NRIP1: variants seen among roughly 807,000 people sequenced by gnomAD.
NRIP1 encodes nuclear receptor-interacting protein 1.
NRIP1 carries 28 observed loss-of-function variants against 75.0 expected under a neutral mutation model. The observed-to-expected ratio is 0.37, with a 90% CI of 0.28 to 0.51. The LOEUF (loss-of-function observed/expected upper bound fraction) is 0.51, where lower values mean the gene tolerates loss of function less well. NRIP1 is among the 20% of genes least tolerant of loss of function. NRIP1 has a pLI of 0.92. For synonymous variants in NRIP1, 526 were observed against 487.6 expected (o/e 1.08, Z -1.04); for missense variants, 1,435 against 1,343.7 (o/e 1.07, Z -1.06).
At chr21:15,010,386 GAA>G (rs879475536) in intron 3 of NRIP1, among the ~76,000 whole-genome samples, 1 of 137,112 alleles carries the variant, frequency 7.3e-6, no homozygotes. Flanking sequence ...CATGGAAAAG[GAA>G]AAAAAAAAAA....
chr21:14,969,914 A>G (rs2086858229), intron 3 of NRIP1, among the ~76,000 whole-genome samples: 1 of 152,230 alleles, frequency 6.6e-6, no homozygotes, highest in African/African-American at 2.4e-5. Flanking sequence ...TTGAGATTCC[A>G]ATGCCACCAT....
chr21:14,989,938 C>T (rs2087523084), intron 3 of NRIP1, among the ~76,000 whole-genome samples: 1 of 151,826 alleles, frequency 6.6e-6, no homozygotes, highest in Non-Finnish European at 1.5e-5. Flanking sequence ...AAATACTGGT[C>T]TTATTAATCA....
chr21:15,006,400 T>C (rs2087973614), intron 3 of NRIP1, among the ~76,000 whole-genome samples: 1 of 152,210 alleles, frequency 6.6e-6, no homozygotes, highest in South Asian at 2.1e-4. Context: ...ATCATTACTC[T>C]AGAACAACAA....
intron 3 of NRIP1, among the ~76,000 whole-genome samples, chr21:15,003,261 G>T (rs963073201): frequency 6.6e-6 from 1 of 152,052 alleles, no homozygotes; most frequent in Non-Finnish European, 1.5e-5. Context: ...CAAAAATTAA[G>T]AACAAAATAC....
intron 1 of NRIP1, among the ~76,000 whole-genome samples, chr21:15,045,451 G>C (rs73172399): frequency 0.017 from 2,604 of 152,290 alleles, 49 homozygotes; most frequent in African/African-American, 0.051. Flanking sequence ...TCGAAACAAT[G>C]TACATACCTT....
At chr21:15,043,269 T>C (rs960208802) in intron 2 of NRIP1, among the ~76,000 whole-genome samples, 4 of 152,202 alleles carry the variant, frequency 2.6e-5, no homozygotes, top group Admixed American at 1.3e-4. Flanking sequence ...GTGTTTAAAA[T>C]AGGTAAAACT....
chr21:14,986,706 C>A (rs2087414398), intron 3 of NRIP1, among the ~76,000 whole-genome samples: 1 of 152,250 alleles, frequency 6.6e-6, no homozygotes, highest in Admixed American at 6.5e-5. Context: ...AATCAAATTT[C>A]CTTGTCTATA....
chr21:15,036,020 C>T (rs1338150922), intron 2 of NRIP1, among the ~76,000 whole-genome samples: 1 of 152,068 alleles, frequency 6.6e-6, no homozygotes, highest in Non-Finnish European at 1.5e-5. Context: ...AACTGCATGC[C>T]CATGTTTTTA....
intron 2 of NRIP1, among the ~76,000 whole-genome samples, chr21:15,015,298 A>G (rs562906488): frequency 1.3e-5 from 2 of 152,340 alleles, no homozygotes; most frequent in African/African-American, 4.8e-5. Flanking sequence ...TTACAAAGAA[A>G]TATCATCTTA....
At chr21:14,973,732 A>G (rs1052455734) in intron 3 of NRIP1, among the ~76,000 whole-genome samples, 9 of 149,630 alleles carry the variant, frequency 6.0e-5, no homozygotes, top group Non-Finnish European at 1.3e-4. Flanking sequence ...GCTGGACTGC[A>G]GTGGTGAGAT....
chr21:15,054,329 A>G (rs111394564), intron 1 of NRIP1, among the ~76,000 whole-genome samples: 1 of 152,316 alleles, frequency 6.6e-6, no homozygotes, highest in African/African-American at 2.4e-5. Context: ...AAGTGATGCT[A>G]AGGAAACTGC....
In NRIP1 at chr21:14,966,154, G is replaced by A. The variant is rs1270497732; in HGVS notation, c.2039C>T (p.Ala680Val). ...ACTAAATGCTTTATTTTCTTCAACT[G>A]CATTTGTTTTATTTGAGAGCAAAGG... is the stretch of plus-strand genomic sequence containing the variant. ...NSPLLSNKTN[A>V]VEENKAFSSQ... is the part of the protein sequence containing the mutation. The change falls in exon 4 of 4, where the codon GCA (alanine) becomes GTA (valine). Residue 680 changes from alanine to valine, a missense_variant. Physicochemically the swap from Ala to Val is moderately conservative, Grantham distance 64. Transcript: ENST00000318948. The A allele has an allele frequency of 1.2e-6, 2 of 1,613,230 alleles. No homozygotes were observed.
chr21:14,968,087 C>T lies in NRIP1; in HGVS notation c.106G>A (p.Ala36Thr), dbSNP rs149544431. The T allele has an allele frequency of 1.9e-6, 3 of 1,614,090 alleles. No individual in the cohort carries two copies. Among genetic ancestry groups the T allele is most frequent in the Non-Finnish European group, 2.5e-6 (3 of 1,180,002 alleles). The change falls in exon 4 of 4, where the codon GCC becomes ACC. Residue 36 changes from alanine to threonine, a missense_variant. Physicochemically the swap from Ala to Thr is moderately conservative, Grantham distance 58. Transcript: ENST00000318948. ...MHQAAGGSGT[A>T]VDKKSAGHNE... ...TGCCCAGCAGACTTTTTGTCAACGG[C>T]AGTACCTGATCCCCCTGCTGCCTGA... is the stretch of plus-strand genomic sequence containing the variant.
intron 1 of NRIP1, among the ~76,000 whole-genome samples, chr21:15,055,037 C>A (rs1330427317): frequency 6.6e-6 from 1 of 152,198 alleles, no homozygotes; most frequent in African/African-American, 2.4e-5. Context: ...AAAAGGTCTA[C>A]ACATAGGTTT....
At chr21:15,007,231 T>C (rs1442131187) in intron 3 of NRIP1, among the ~76,000 whole-genome samples, 1 of 152,158 alleles carries the variant, frequency 6.6e-6, no homozygotes, top group Non-Finnish European at 1.5e-5. Flanking sequence ...ATGGGAGTTG[T>C]TGATAGCTTG....
At chr21:14,974,908 G>A (rs911473320) in intron 3 of NRIP1, among the ~76,000 whole-genome samples, 2 of 151,932 alleles carry the variant, frequency 1.3e-5, no homozygotes, top group African/African-American at 4.8e-5. Flanking sequence ...AGGAGTTCGA[G>A]ACCAGCCTGG....
Position 14,962,390 on chromosome 21 carries a change from C to T in NRIP1, c.*2326G>A, listed in dbSNP as rs957580063. On this transcript the variant is annotated 3_prime_UTR_variant, in exon 4 of 4. Coordinates refer to ENST00000318948, the MANE Select transcript of NRIP1 (RefSeq NM_003489.4). Reference sequence around the variant, plus strand: ...ATTCTCATTCCTTTGTTAACAACAACGAAAACAACCAGCCAACCAAAAAAA... The same window carrying T: ...ATTCTCATTCCTTTGTTAACAACAATGAAAACAACCAGCCAACCAAAAAAA... The T allele has an allele frequency of 5.3e-5, 8 of 152,014 alleles. No individual in the cohort carries two copies. Among genetic ancestry groups the T allele is most frequent in the Non-Finnish European group, 8.9e-5 (6 of 67,770 alleles). 9.4% of individuals were successfully genotyped at this position (152,014 alleles called of 1,614,324 possible). A position where few individuals can be genotyped will look rare whatever the true frequency, so the allele number is the denominator to read the frequency against.
chr21:15,036,147 C>A (rs938683080), intron 2 of NRIP1, among the ~76,000 whole-genome samples: 1 of 152,052 alleles, frequency 6.6e-6, no homozygotes, highest in Non-Finnish European at 1.5e-5. Context: ...GCCAGAAGAT[C>A]AATATTTTTT....
Position 14,966,065 on chromosome 21 carries a change from G to A in NRIP1, c.2128C>T (p.Arg710Cys), listed in dbSNP as rs535553992. 1.7e-5 allele frequency: 27 copies of A among 1,612,390 alleles called. No individual in the cohort carries two copies. The highest frequency in any genetic ancestry group is 8.3e-5 in the Admixed American group (5 of 59,946). ...GSEIENLLER[R>C]TVLQLLLGNP... ...CCCAGGAGCAACTGGAGGACAGTAC[G>A]TCTTTCAAGCAGATTTTCTATTTCA... Residue 710 changes from arginine (R) to cysteine (C), a missense_variant, in exon 4 of 4, where the codon CGT becomes TGT. Physicochemically the swap from Arg to Cys is radical, Grantham distance 180. Transcript: ENST00000318948.
Sources: allele counts gnomAD v4.1 joint callset (sites outside exome capture counted in the v4.1 genomes callset), GRCh38; gene constraint gnomAD v4.1.1; transcripts MANE v1.5; gene names NCBI Gene and HGNC (gene_info 2026-07-23, HGNC 2026-07-21).